Variants in CEACAM18 observed in about 807,000 individuals in gnomAD.
CEACAM18 encodes the protein CEA cell adhesion molecule 18, also known as cell adhesion molecule CEACAM18.
In CEACAM18, 33 loss-of-function variants were observed where a neutral mutation model predicts 34.3. That is an observed-to-expected ratio of 0.96 (90% CI 0.73 to 1.29). The LOEUF (loss-of-function observed/expected upper bound fraction) is 1.29. CEACAM18 is among the 50% of genes most tolerant of loss of function. The pLI is 0.00. For missense variants in CEACAM18, 474 were observed against 485.0 expected (o/e 0.98, Z 0.21); for synonymous variants, 169 against 180.9 (o/e 0.93, Z 0.53).
exon 3 of CEACAM18, chr19:51,481,460 T>C: frequency 6.2e-7 from 1 of 1,613,942 alleles, no homozygotes; most frequent in African/African-American, 1.3e-5. Flanking sequence ...ATTCTGTGGC[T>C]GCTGACTGCC....
chr19:51,489,805 G>A (rs971387455), intron 5 of CEACAM18, among the ~76,000 whole-genome samples: 16 of 152,144 alleles, frequency 1.1e-4, no homozygotes, highest in Admixed American at 5.9e-4. Context: ...TACACAGTAA[G>A]CACTTCATAA....
chr19:51,485,593 G>T (rs550564572), intron 5 of CEACAM18, among the ~76,000 whole-genome samples: 3 of 152,300 alleles, frequency 2.0e-5, no homozygotes, highest in Admixed American at 6.5e-5. Flanking sequence ...CCTTGGGTAG[G>T]TCACTTCTCC....
rs555013652 is a variant in CEACAM18 at position 51,488,521 on chromosome 19, A to G, written c.1090-2066A>G. ...CCATGTAATAATCATAAATAGGTTC[A>G]ATATCTAAATACAAGACCTCGCCTG... On this transcript the variant is annotated intron_variant, in intron 5 of 5. Coordinates refer to ENST00000396477, the Ensembl canonical transcript of CEACAM18. Among the ~76,000 whole-genome samples the G allele has an allele frequency of 3.3e-5, 5 of 152,330 alleles. No homozygotes were observed. The East Asian group carries it at 9.6e-4, about 29-fold the overall frequency.
At chr19:51,478,676 A>G in exon 1 of CEACAM18, 1 of 1,476,926 alleles carries the variant, frequency 6.8e-7, no homozygotes, top group Non-Finnish European at 9.0e-7. Context: ...GAGCCTGTGG[A>G]GGAGGGTCTT....
At chr19:51,478,635 G>A (rs1341007760) in exon 1 of CEACAM18, 2 of 1,568,242 alleles carry the variant, frequency 1.3e-6, no homozygotes, top group Non-Finnish European at 1.7e-6. Context: ...GAGGACCCCA[G>A]GCAGCTCATG....
chr19:51,479,384 A>T (rs16982732), intron 1 of CEACAM18, among the ~76,000 whole-genome samples: 10,185 of 152,192 alleles, frequency 0.067, 416 homozygotes, highest in South Asian at 0.12. Flanking sequence ...AAAATCAAAG[A>T]CATGTAGAAA....
chr19:51,488,610 A>C (rs113529891), intron 5 of CEACAM18, among the ~76,000 whole-genome samples: 4 of 152,246 alleles, frequency 2.6e-5, no homozygotes, highest in Admixed American at 6.5e-5. Context: ...GTCTCAAGAC[A>C]AAAGGTCTCA....
At chr19:51,482,803 G>A (rs1989938805) in intron 3 of CEACAM18, among the ~76,000 whole-genome samples, 1 of 152,202 alleles carries the variant, frequency 6.6e-6, no homozygotes, top group Non-Finnish European at 1.5e-5. Flanking sequence ...TTATTACAAT[G>A]TAAATGGCAC....
rs1197041384 is a variant in CEACAM18 at position 51,481,657 on chromosome 19, CTG to C, written c.668_669del (p.Val223GlyfsTer14). ...CAGAGAAGTGAACGCATCTCTCTGA[CTG>C]TGGCCTGTGAGTGGTCTGGGCTCCT... On this transcript the variant is annotated frameshift_variant, in exon 3 of 6. Coordinates refer to ENST00000396477, the Ensembl canonical transcript of CEACAM18. LOFTEE classifies it high-confidence loss of function. 1 of 1,610,870 alleles carries C rather than the reference CTG, an allele frequency of 6.2e-7. No homozygotes were observed. Among genetic ancestry groups the C allele is most frequent in the East Asian group, 2.2e-5 (1 of 44,840 alleles).
chr19:51,483,030 T>C, exon 4 of CEACAM18: 1 of 1,613,952 alleles, frequency 6.2e-7, no homozygotes, highest in Non-Finnish European at 8.5e-7. Context: ...GGCCCGACTA[T>C]GTGCTGCTGA....
intron 5 of CEACAM18, among the ~76,000 whole-genome samples, 176 bp from the exon 6 acceptor site, chr19:51,490,411 G>C (rs1990071269): frequency 6.6e-6 from 1 of 152,060 alleles, no homozygotes; most frequent in Non-Finnish European, 1.5e-5. Flanking sequence ...GAGATGTTGA[G>C]GACTCTCGGT....
chr19:51,479,337 C>T (rs927450274), intron 1 of CEACAM18, among the ~76,000 whole-genome samples: 1 of 152,158 alleles, frequency 6.6e-6, no homozygotes, highest in African/African-American at 2.4e-5. Flanking sequence ...AACAGGCTGC[C>T]GCCTCCATTC....
chr19:51,488,324 C>A (rs1037910109), intron 5 of CEACAM18, among the ~76,000 whole-genome samples: 1 of 152,146 alleles, frequency 6.6e-6, no homozygotes, highest in Non-Finnish European at 1.5e-5. Flanking sequence ...GTGTACCAAC[C>A]CTTGTTCCAA....
Position 51,485,583 on chromosome 19 carries a change from C to A in CEACAM18, c.1089+461C>A, listed in dbSNP as rs142066349. Among the ~76,000 whole-genome samples, 798 of 152,254 alleles carry A rather than the reference C, an allele frequency of 5.2e-3. 9 individuals are homozygous for A. Among genetic ancestry groups the A allele is most frequent in the African/African-American group, 0.018 (765 of 41,550 alleles). On this transcript the variant is annotated intron_variant, in intron 5 of 5. Coordinates refer to ENST00000396477, the Ensembl canonical transcript of CEACAM18. Reference sequence around the variant, plus strand: ...GCTCTGCTACCTGTAGGCTAGGTTACCTTGGGTAGGTCACTTCTCCTCATA... The same window carrying A: ...GCTCTGCTACCTGTAGGCTAGGTTAACTTGGGTAGGTCACTTCTCCTCATA...
chr19:51,481,323 C>T (rs1181962949), intron 2 of CEACAM18, 70 bp from the exon 3 acceptor site: 2 of 1,499,438 alleles, frequency 1.3e-6, no homozygotes, highest in Non-Finnish European at 1.8e-6. Context: ...CCAGAAGTCC[C>T]CTGGAGAGGA....
At chr19:51,489,193 G>T (rs1990049487) in intron 5 of CEACAM18, among the ~76,000 whole-genome samples, 1 of 146,814 alleles carries the variant, frequency 6.8e-6, no homozygotes, top group African/African-American at 2.5e-5. Context: ...GGATGATTAG[G>T]TTGACATTAA....
chr19:51,480,800 T>C (rs62115069), intron 2 of CEACAM18, 120 bp downstream of exon 2: 1 of 921,522 alleles, frequency 1.1e-6, no homozygotes, highest in Non-Finnish European at 1.6e-6. Context: ...CGCCCTGGAA[T>C]CTTGTGTACC....
chr19:51,478,847 C>G (rs1989857134), intron 1 of CEACAM18, among the ~76,000 whole-genome samples, 153 bp downstream of exon 1: 1 of 151,838 alleles, frequency 6.6e-6, no homozygotes, highest in Admixed American at 6.6e-5. Flanking sequence ...GGGGGAGGAC[C>G]CTCAGCACAA....
exon 2 of CEACAM18, chr19:51,480,630 T>C (rs1216152651): frequency 6.2e-7 from 1 of 1,613,714 alleles, no homozygotes; most frequent in African/African-American, 1.3e-5. Context: ...ACTGTTCGGG[T>C]GGTTGCAGGC....
Sources: gnomAD v4.1 joint callset for allele counts (sites outside exome capture counted in the v4.1 genomes callset) on GRCh38, gnomAD v4.1.1 for gene constraint, MANE v1.5 for transcripts, NCBI Gene and HGNC (gene_info 2026-07-23, HGNC 2026-07-21) for gene names.